Variants in FXR1 observed in about 807,000 individuals in gnomAD.
FXR1 encodes FMR1 autosomal homolog 1, also known as RNA-binding protein FXR1.
A neutral mutation model predicts 84.0 loss-of-function variants in FXR1; 15 were observed. That is an observed-to-expected ratio of 0.18 (90% CI 0.12 to 0.27). FXR1 has a LOEUF of 0.27. Ranked by LOEUF, FXR1 falls within the 10% of genes least tolerant of loss-of-function variation. The pLI is 1.00. For synonymous variants in FXR1, 245 were observed against 250.7 expected, an observed-to-expected ratio of 0.98 and a Z score of 0.21; for missense variants, 480 against 774.4, an observed-to-expected ratio of 0.62 and a Z score of 4.51.
At chr3:180,962,429 A>G (rs1053061242) in intron 11 of FXR1, among the ~76,000 whole-genome samples, 2 of 152,206 alleles carry the variant, frequency 1.3e-5, no homozygotes, top group African/African-American at 4.8e-5. Context: ...CTGAATGACA[A>G]AGTCTAGCAC....
chr3:180,935,776 G>A (rs185283503), intron 3 of FXR1, among the ~76,000 whole-genome samples: 1 of 152,298 alleles, frequency 6.6e-6, no homozygotes, highest in Non-Finnish European at 1.5e-5. Flanking sequence ...ACAGCTCACA[G>A]ATGAATAAAA....
At position 180,981,317 on chromosome 3, in the gene FXR1, TAAG is replaced by T. The variant is rs759892419; in HGVS notation, c.*5029_*5031del. 2.6e-5 allele frequency: 4 copies of T among 152,028 alleles called. No individual in the cohort carries two copies. Among genetic ancestry groups the T allele is most frequent in the Admixed American group, 6.6e-5 (1 of 15,242 alleles). 9.4% of individuals were successfully genotyped at this position (152,028 alleles called of 1,614,324 possible). A position where few individuals can be genotyped will look rare whatever the true frequency, so the allele number is the denominator to read the frequency against. On this transcript the variant is annotated 3_prime_UTR_variant, in exon 17 of 17. Transcript: ENST00000357559. ...TACAGCTTTCAGTGTGGCAATATATTAAGAAGCTAGTTCCCTAATTTTTCTCAG... is the reference window on the plus strand; with the variant it reads ...TACAGCTTTCAGTGTGGCAATATATTAAGCTAGTTCCCTAATTTTTCTCAG...
At position 180,916,470 on chromosome 3, in the gene FXR1, C is replaced by T. The variant is rs553655517; in HGVS notation, c.51+3734C>T. Among the ~76,000 whole-genome samples the T allele has an allele frequency of 5.0e-3, 768 of 152,262 alleles. 3 individuals are homozygous for T. The highest frequency in any genetic ancestry group is 7.9e-3 in the Non-Finnish European group (538 of 68,014). On this transcript the variant is annotated intron_variant, in intron 1 of 16. Coordinates refer to ENST00000357559, the MANE Select transcript of FXR1 (RefSeq NM_005087.4). ...GCACAGTGGTGGGAGCGCAGTGGTG[C>T]GATCTCGGCTCACTGCAACCTCCAC... is the stretch of plus-strand genomic sequence containing the variant.
intron 1 of FXR1, among the ~76,000 whole-genome samples, chr3:180,918,291 G>A (rs1718145871): frequency 6.6e-6 from 1 of 151,894 alleles, no homozygotes; most frequent in Admixed American, 6.6e-5. Flanking sequence ...TGTGAGGTTG[G>A]TTTTATTTTT....
At chr3:180,934,677 C>CAG (rs1720323921) in intron 2 of FXR1, among the ~76,000 whole-genome samples, 1 of 152,074 alleles carries the variant, frequency 6.6e-6, no homozygotes, top group African/African-American at 2.4e-5. Context: ...AAGAATTACA[C>CAG]AGTTTATATT....
intron 15 of FXR1, among the ~76,000 whole-genome samples, chr3:180,972,697 T>G (rs181500229): frequency 6.9e-4 from 105 of 152,352 alleles, no homozygotes; most frequent in African/African-American, 2.2e-3. Flanking sequence ...TAATTGCAAC[T>G]TGAGTAGTTT....
At chr3:180,961,265 A>C (rs1426160433) in intron 10 of FXR1, among the ~76,000 whole-genome samples, 2 of 146,596 alleles carry the variant, frequency 1.4e-5, no homozygotes, top group African/African-American at 2.5e-5. Context: ...ACTTGAGCCC[A>C]GGAGTTTGAT....
intron 15 of FXR1, among the ~76,000 whole-genome samples, chr3:180,974,935 T>C (rs1714043252): frequency 1.2e-5 from 1 of 84,386 alleles, no homozygotes; most frequent in Non-Finnish European, 2.2e-5. Context: ...TTTGCCCCAT[T>C]CCCCCCTCCC....
intron 13 of FXR1, among the ~76,000 whole-genome samples, chr3:180,966,627 G>A (rs1240160201): frequency 6.6e-6 from 1 of 152,170 alleles, no homozygotes; most frequent in African/African-American, 2.4e-5. Context: ...AGGCATTTGA[G>A]GACATATAAG....
intron 10 of FXR1, among the ~76,000 whole-genome samples, chr3:180,958,384 C>A (rs1490122230): frequency 6.6e-6 from 1 of 152,058 alleles, no homozygotes; most frequent in Non-Finnish European, 1.5e-5. Flanking sequence ...TCTCTCACCC[C>A]CCTCCCAACC....
Position 180,980,411 on chromosome 3 carries a change from C to T in FXR1, c.*4119C>T, listed in dbSNP as rs1027887662. 2.0e-5 allele frequency: 3 copies of T among 151,622 alleles called. No individual in the cohort carries two copies. Among genetic ancestry groups the T allele is most frequent in the African/African-American group, 7.3e-5 (3 of 41,308 alleles). 9.4% of individuals were successfully genotyped at this position (151,622 alleles called of 1,614,324 possible). A position where few individuals can be genotyped will look rare whatever the true frequency, so the allele number is the denominator to read the frequency against. On this transcript the variant is annotated 3_prime_UTR_variant, in exon 17 of 17. Transcript: ENST00000357559. Reference sequence around the variant, plus strand: ...TTTTTTTTGGGAAAGTTTTTTTACCCCTTTGTACCCTCTTAATTGGATTAA... The same window carrying T: ...TTTTTTTTGGGAAAGTTTTTTTACCTCTTTGTACCCTCTTAATTGGATTAA...
At chr3:180,944,891 C>T (rs975693534) in intron 3 of FXR1, among the ~76,000 whole-genome samples, 22 of 152,218 alleles carry the variant, frequency 1.4e-4, no homozygotes, top group African/African-American at 3.1e-4. Context: ...CCAGAGTACT[C>T]GGATTACGGG....
chr3:180,919,734 C>T (rs994482902), intron 1 of FXR1, among the ~76,000 whole-genome samples: 36 of 151,986 alleles, frequency 2.4e-4, no homozygotes, highest in Admixed American at 1.5e-3. Context: ...AGTGCAGTGG[C>T]GCAATCTCAG....
At chr3:180,958,611 A>AT (rs1020602018) in intron 10 of FXR1, among the ~76,000 whole-genome samples, 1 of 151,630 alleles carries the variant, frequency 6.6e-6, no homozygotes, top group Non-Finnish European at 1.5e-5. Context: ...TATATACCAC[A>AT]TTTTTTTTGT....
At chr3:180,974,585 C>T (rs937319944) in intron 15 of FXR1, among the ~76,000 whole-genome samples, 1 of 152,192 alleles carries the variant, frequency 6.6e-6, no homozygotes, top group Admixed American at 6.5e-5. Context: ...TAATCCACTA[C>T]TGCCACTTCT....
At chr3:180,944,490 TA>T (rs201446051) in intron 3 of FXR1, among the ~76,000 whole-genome samples, 3 of 151,620 alleles carry the variant, frequency 2.0e-5, no homozygotes, top group African/African-American at 4.8e-5. Context: ...CCTGGCTAAT[TA>T]AAAAAAAATT....
At chr3:180,935,057 A>T in intron 2 of FXR1, 81 bp from the exon 3 acceptor site, 1 of 654,352 alleles carries the variant, frequency 1.5e-6, no homozygotes, top group Non-Finnish European at 2.7e-6. Context: ...GCTAAATGAT[A>T]AACTAACTTG....
chr3:180,975,580 G>C (rs1033479366), intron 16 of FXR1, among the ~76,000 whole-genome samples, 176 bp downstream of exon 16: 5 of 152,058 alleles, frequency 3.3e-5, no homozygotes, highest in Non-Finnish European at 7.4e-5. Context: ...ATGCATGCTT[G>C]AGCCTGAAAT....
At position 180,949,436 on chromosome 3, in the gene FXR1, G is replaced by GA. The variant is rs1409997000; in HGVS notation, c.630+94dup. 122 of 753,900 alleles carry GA rather than the reference G, an allele frequency of 1.6e-4. 2 individuals carry two copies. Among genetic ancestry groups the GA allele is most frequent in the South Asian group, 1.1e-3 (77 of 71,138 alleles). 46.7% of individuals were successfully genotyped at this position (753,900 alleles called of 1,614,324 possible). On this transcript the variant is annotated intron_variant, in intron 7 of 16. Transcript: ENST00000357559. ...GATTCTGGCTCTGTTGCCCAGGCTAGAGTGCAGTGGCACAATCTTGGCTTA... is the reference window on the plus strand; with the variant it reads ...GATTCTGGCTCTGTTGCCCAGGCTAGAAGTGCAGTGGCACAATCTTGGCTTA...
Sources: gnomAD v4.1 joint callset for allele counts (sites outside exome capture counted in the v4.1 genomes callset) on GRCh38, gnomAD v4.1.1 for gene constraint, MANE v1.5 for transcripts, NCBI Gene and HGNC (gene_info 2026-07-23, HGNC 2026-07-21) for gene names.